The following PTPRN2 variants were observed in gnomAD, a reference collection of about 807,000 sequenced individuals.
PTPRN2 encodes the protein receptor-type tyrosine-protein phosphatase N2.
In PTPRN2, 74 loss-of-function variants were observed where a neutral mutation model predicts 118.8. That is an observed-to-expected ratio of 0.62 (90% CI 0.52 to 0.76). The LOEUF is 0.76. PTPRN2 is among the 30% of genes least tolerant of loss of function. The pLI is 0.00. For missense variants in PTPRN2, 1,481 were observed against 1,394.4 expected, an observed-to-expected ratio of 1.06 and a Z score of -0.99; for synonymous variants, 641 against 608.0, an observed-to-expected ratio of 1.05 and a Z score of -0.80.
chr7:158,400,857 G>A (rs1283316046), intron 2 of PTPRN2, among the ~76,000 whole-genome samples: 3 of 152,098 alleles, frequency 2.0e-5, no homozygotes, highest in Non-Finnish European at 2.9e-5. Context: ...CTGCCTGCAG[G>A]TGAGCTCCTC....
intron 12 of PTPRN2, among the ~76,000 whole-genome samples, chr7:157,768,376 C>A (rs921739780): frequency 3.9e-5 from 6 of 152,222 alleles, no homozygotes; most frequent in African/African-American, 1.4e-4. Context: ...CAGAACCGCA[C>A]GCTACATCCT....
chr7:157,799,263 C>T (rs902072438), intron 12 of PTPRN2, among the ~76,000 whole-genome samples: 9 of 152,078 alleles, frequency 5.9e-5, no homozygotes, highest in African/African-American at 1.4e-4. Context: ...CTCCCTGCAC[C>T]GAGGCTTCAG....
chr7:158,327,850 G>A (rs973541789), intron 2 of PTPRN2, among the ~76,000 whole-genome samples: 1 of 152,302 alleles, frequency 6.6e-6, no homozygotes, highest in Middle Eastern at 3.4e-3. Flanking sequence ...GGAGCTGGCA[G>A]CGTTGCCAGG....
chr7:158,236,418 C>T (rs1022705685), intron 3 of PTPRN2, among the ~76,000 whole-genome samples: 8 of 152,176 alleles, frequency 5.3e-5, no homozygotes, highest in Admixed American at 2.0e-4. Flanking sequence ...AGAAGCCACA[C>T]CAGACAAACG....
chr7:157,910,201 G>A, intron 11 of PTPRN2, among the ~76,000 whole-genome samples: 1 of 147,288 alleles, frequency 6.8e-6, no homozygotes, highest in East Asian at 2.1e-4. Context: ...GGGAATGCGT[G>A]CAGGATCACG....
At chr7:158,552,953 C>T (rs1031717608) in intron 1 of PTPRN2, among the ~76,000 whole-genome samples, 5 of 152,108 alleles carry the variant, frequency 3.3e-5, no homozygotes, top group African/African-American at 1.2e-4. Flanking sequence ...TGGGAATCTA[C>T]ATCATCTTTC....
At chr7:158,578,399 G>C (rs890906226) in intron 1 of PTPRN2, among the ~76,000 whole-genome samples, 2 of 151,688 alleles carry the variant, frequency 1.3e-5, no homozygotes, top group African/African-American at 4.8e-5. Flanking sequence ...GCCAGGCATG[G>C]TGGCACATAC....
chr7:158,276,522 G>A (rs1311303396), intron 3 of PTPRN2, among the ~76,000 whole-genome samples: 3 of 143,934 alleles, frequency 2.1e-5, no homozygotes, highest in Admixed American at 7.0e-5. Context: ...CCCACACCCC[G>A]GCCCCGACAG....
intron 12 of PTPRN2, among the ~76,000 whole-genome samples, chr7:157,705,774 G>C (rs1305196200): frequency 6.6e-6 from 1 of 150,998 alleles, no homozygotes; most frequent in Non-Finnish European, 1.5e-5. Context: ...GTGCCTTCCG[G>C]ATAAACGCGG....
chr7:157,675,070 G>A (rs1159234500), intron 13 of PTPRN2, among the ~76,000 whole-genome samples: 2 of 148,398 alleles, frequency 1.3e-5, no homozygotes, highest in Admixed American at 1.3e-4. Context: ...CCCGCCTGCT[G>A]GAATCTCCTC....
At chr7:158,098,184 G>A (rs991613675) in intron 10 of PTPRN2, among the ~76,000 whole-genome samples, 3 of 152,360 alleles carry the variant, frequency 2.0e-5, no homozygotes, top group Admixed American at 6.5e-5. Context: ...CCCAGCGTGG[G>A]GCAGCCTCTG....
At chr7:158,173,127 C>T (rs1323998632) in intron 5 of PTPRN2, among the ~76,000 whole-genome samples, 2 of 151,716 alleles carry the variant, frequency 1.3e-5, no homozygotes, top group South Asian at 2.1e-4. Flanking sequence ...CCAGCGTCCC[C>T]ACCATCATCA....
At chr7:158,330,876 T>A (rs139025502) in intron 2 of PTPRN2, among the ~76,000 whole-genome samples, 3 of 29,284 alleles carry the variant, frequency 1.0e-4, no homozygotes, top group East Asian at 2.8e-3. Flanking sequence ...GCAGACGTCA[T>A]TCACACCCAA....
intron 12 of PTPRN2, among the ~76,000 whole-genome samples, chr7:157,707,462 C>A (rs369754859): frequency 6.6e-6 from 1 of 152,334 alleles, no homozygotes; most frequent in Non-Finnish European, 1.5e-5. Context: ...AGTTAACATA[C>A]GTGCCCGCTA....
chr7:158,387,687 A>G (rs1811597633), intron 2 of PTPRN2, among the ~76,000 whole-genome samples: 2 of 143,452 alleles, frequency 1.4e-5, no homozygotes, highest in Admixed American at 7.1e-5. Context: ...CTTAAAGGCA[A>G]TGGTGCTGGA....
intron 11 of PTPRN2, among the ~76,000 whole-genome samples, chr7:158,063,593 T>C (rs1224565219): frequency 6.6e-6 from 1 of 152,194 alleles, no homozygotes; most frequent in Admixed American, 6.5e-5. Flanking sequence ...GCTCACTCTT[T>C]GGGTCTGCAC....
At chr7:157,756,808 C>G (rs1012123518) in intron 12 of PTPRN2, among the ~76,000 whole-genome samples, 1 of 147,606 alleles carries the variant, frequency 6.8e-6, no homozygotes, top group Admixed American at 6.7e-5. Flanking sequence ...AAAAAAAAAA[C>G]CCTGTTCCTG....
In PTPRN2 at chr7:158,040,736, C is replaced by CTTTTTTTTTTTTTTTTTT. The variant is rs58192875; in HGVS notation, c.1723+40561_1723+40562insAAAAAAAAAAAAAAAAAA. On this transcript the variant is annotated intron_variant, in intron 11 of 22. Transcript: ENST00000389418. The stretch of plus-strand genomic sequence containing the variant: ...TTGATCTGCCTTTCTTTTTTTCTTT[C>CTTTTTTTTTTTTTTTTTT]TTTTTTTTTTTTTTGAGATGGAATC... 5.6e-5 allele frequency among the ~76,000 whole-genome samples: 8 copies of CTTTTTTTTTTTTTTTTTT among 142,202 alleles called. 1 individual carries two copies. Among genetic ancestry groups the CTTTTTTTTTTTTTTTTTT allele is most frequent in the Admixed American group, 7.0e-5 (1 of 14,250 alleles). 93.3% of individuals were successfully genotyped at this position (142,202 alleles called of 152,430 possible).
chr7:157,621,774 T>C (rs1803266454), intron 14 of PTPRN2, among the ~76,000 whole-genome samples: 3 of 152,002 alleles, frequency 2.0e-5, no homozygotes. Context: ...ACCGCTGAGA[T>C]GACAACAATT....
Sources: gnomAD v4.1 joint callset for allele counts (sites outside exome capture counted in the v4.1 genomes callset) on GRCh38, gnomAD v4.1.1 for gene constraint, MANE v1.5 for transcripts, NCBI Gene and HGNC (gene_info 2026-07-23, HGNC 2026-07-21) for gene names.